Variants in OVOL2 observed in about 807,000 individuals in gnomAD.
OVOL2 encodes ovo like zinc finger 2, also known as transcription factor Ovo-like 2.
A neutral mutation model predicts 18.1 loss-of-function variants in OVOL2; 13 were observed. The ratio of observed to expected loss-of-function variants is 0.72; its 90% CI spans 0.47 to 1.14. The LOEUF (loss-of-function observed/expected upper bound fraction) is 1.14, where lower values mean the gene tolerates loss of function less well. OVOL2 is among the 50% of genes most tolerant of loss of function. The pLI, the probability that OVOL2 is intolerant of heterozygous loss-of-function variation, is 0.00. For missense variants in OVOL2, 335 were observed against 383.0 expected (o/e 0.87, Z 1.05); for synonymous variants, 166 against 162.7 (o/e 1.02, Z -0.16).
intron 3 of OVOL2, among the ~76,000 whole-genome samples, chr20:18,040,781 G>A (rs2149474): frequency 0.29 from 43,808 of 152,060 alleles, 7,359 homozygotes; most frequent in African/African-American, 0.47. Flanking sequence ...TACGAGGCTC[G>A]GGTCAGCTCT....
chr20:18,038,967 C>T (rs1418009628), intron 3 of OVOL2, among the ~76,000 whole-genome samples: 1 of 152,184 alleles, frequency 6.6e-6, no homozygotes, highest in Non-Finnish European at 1.5e-5. Context: ...TCCTCACCCC[C>T]ACCCAATGGC....
chr20:18,046,542 C>T (rs1168555979), intron 2 of OVOL2, among the ~76,000 whole-genome samples: 2 of 152,204 alleles, frequency 1.3e-5, no homozygotes, highest in Admixed American at 6.5e-5. Context: ...TACAATACTA[C>T]ATCATTTCAT....
chr20:18,036,590 T>A (rs76450671), intron 3 of OVOL2, among the ~76,000 whole-genome samples: 18,337 of 152,084 alleles, frequency 0.12, 1,198 homozygotes, highest in Middle Eastern at 0.16. Context: ...GATTTTCAGC[T>A]CCCTCACAGG....
At chr20:18,033,317 C>T (rs780640101) in intron 3 of OVOL2, among the ~76,000 whole-genome samples, 1 of 152,212 alleles carries the variant, frequency 6.6e-6, no homozygotes, top group African/African-American at 2.4e-5. Flanking sequence ...ATTGGAATTC[C>T]TCGGCTTCAC....
Position 18,056,899 on chromosome 20 carries a change from C to A in OVOL2, c.101-22G>T. On this transcript the variant is annotated intron_variant, in intron 1 of 3. Transcript: ENST00000278780. This position sits in a 1 kb window ranked among gnomAD's most constrained non-coding sequence, Gnocchi z 4.2. ...CCCACTGTGGAGGGAGGGGCCGCGC[C>A]CCGACACACACACTCGGCGTCAACC... is the stretch of plus-strand genomic sequence containing the variant. The A allele has an allele frequency of 6.8e-7, 1 of 1,476,146 alleles. No homozygotes were observed. Among genetic ancestry groups the A allele is most frequent in the Non-Finnish European group, 8.9e-7 (1 of 1,121,662 alleles). The allele number at this position is 1,476,146 out of a possible 1,614,324, so 91.4% of individuals were successfully genotyped here. A position where few individuals can be genotyped will look rare whatever the true frequency, so the allele number is the denominator to read the frequency against.
At position 18,057,527 on chromosome 20, in the gene OVOL2, G is replaced by T. The variant is rs370398245; in HGVS notation, c.100+8C>A. 6.4e-7 allele frequency: 1 copy of T among 1,563,252 alleles called. No homozygotes were observed. The highest frequency in any genetic ancestry group is 8.7e-7 in the Non-Finnish European group (1 of 1,153,752). On this transcript the variant is annotated splice_region_variant and intron_variant, in intron 1 of 3. Coordinates refer to ENST00000278780, the MANE Select transcript of OVOL2 (RefSeq NM_021220.4). The surrounding 1 kb of genome is among the most constrained non-coding windows in gnomAD (Gnocchi z 6.3). ...CAGCGCCCAGGCCCGGCCCCCGCGC[G>T]CGCTCACCTGGGATGTAGGTGTCTG...
chr20:18,027,739 G>A (rs2122687573), intron 3 of OVOL2, among the ~76,000 whole-genome samples: 1 of 151,656 alleles, frequency 6.6e-6, no homozygotes, highest in South Asian at 2.1e-4. Context: ...GGGACTACAG[G>A]CGCTCACCAC....
chr20:18,037,150 A>AAAAAAAAAAAAAAG (rs751298916), intron 3 of OVOL2, among the ~76,000 whole-genome samples: 6 of 147,244 alleles, frequency 4.1e-5, no homozygotes, highest in Admixed American at 6.9e-5. Context: ...AAAAAAAAAA[A>AAAAAAAAAAAAAAG]AAAGAAAGAA....
rs1205662009 is a variant in OVOL2 at position 18,056,951 on chromosome 20, G to A, written c.101-74C>T. On this transcript the variant is annotated intron_variant, in intron 1 of 3. Coordinates refer to ENST00000278780, the MANE Select transcript of OVOL2 (RefSeq NM_021220.4). The surrounding 1 kb of genome is among the most constrained non-coding windows in gnomAD (Gnocchi z 4.2). The stretch of plus-strand genomic sequence containing the variant: ...GCACGCCCGCGGCAGTTTGACCTGC[G>A]GGCGGTGCTGCCGCCGCCCCGCCCC... 6 of 1,385,148 alleles carry A rather than the reference G, an allele frequency of 4.3e-6. No individual in the cohort carries two copies. Among genetic ancestry groups the A allele is most frequent in the Non-Finnish European group, 4.6e-6 (5 of 1,078,382 alleles). The allele number at this position is 1,385,148 out of a possible 1,614,324, so 85.8% of individuals were successfully genotyped here.
intron 3 of OVOL2, among the ~76,000 whole-genome samples, chr20:18,028,117 A>G (rs2036536569): frequency 6.6e-6 from 1 of 152,088 alleles, no homozygotes; most frequent in East Asian, 1.9e-4. Flanking sequence ...TGCCTCAGGG[A>G]CCCCAGGCAC....
In OVOL2 at chr20:18,024,847, T is replaced by C; in HGVS notation, c.617A>G (p.Tyr206Cys). The C allele has an allele frequency of 1.9e-6, 3 of 1,614,234 alleles. No homozygotes were observed. Among genetic ancestry groups the C allele is most frequent in the Non-Finnish European group, 2.5e-6 (3 of 1,180,044 alleles). ...GTAGAGCTTGTCCCGCCGCTGCTTA[T>C]AGGCATACTGCTGCTGCACCCCATG... is the stretch of plus-strand genomic sequence containing the variant. Reference protein sequence around the residue: ...KIHGVQQQYAYKQRRDKLYVC... With the variant: ...KIHGVQQQYACKQRRDKLYVC... Residue 206 changes from tyrosine to cysteine, a missense_variant, in exon 4 of 4, where the codon TAT becomes TGT. By Grantham distance (194) the Tyr-to-Cys change is radical. Coordinates refer to ENST00000278780, the MANE Select transcript of OVOL2 (RefSeq NM_021220.4).
chr20:18,030,964 G>T (rs4813296), intron 3 of OVOL2, among the ~76,000 whole-genome samples: 14,123 of 152,184 alleles, frequency 0.093, 895 homozygotes, highest in East Asian at 0.17. Context: ...ACACATTCAG[G>T]GGGACGTGGG....
chr20:18,035,312 G>A (rs536174510), intron 3 of OVOL2, among the ~76,000 whole-genome samples: 76 of 152,274 alleles, frequency 5.0e-4, no homozygotes, highest in African/African-American at 1.8e-3. Context: ...TTAGCCAGGC[G>A]TGGTGGCATG....
Position 18,056,732 on chromosome 20 carries a change from G to A in OVOL2, c.246C>T (p.Pro82=). ...CGGGGCCCTCGGCGTCGCCGGGCTC[G>A]GGGGTTTCGCTCTCGGGGGCGTGCG... ...SSPHAPESET[P]EPGDAEGPDG... The change falls in exon 2 of 4, where the codon CCC becomes CCT. Residue 82 remains proline (P), a synonymous_variant. Coordinates refer to ENST00000278780, the MANE Select transcript of OVOL2 (RefSeq NM_021220.4). This position sits in a 1 kb window ranked among gnomAD's most constrained non-coding sequence, Gnocchi z 4.2. The A allele has an allele frequency of 6.8e-7, 1 of 1,480,786 alleles. No individual in the cohort carries two copies. The allele number at this position is 1,480,786 out of a possible 1,614,324, so 91.7% of individuals were successfully genotyped here.
intron 3 of OVOL2, 71 bp from the exon 4 acceptor site, chr20:18,025,023 A>G: frequency 1.3e-6 from 2 of 1,506,042 alleles, no homozygotes; most frequent in East Asian, 2.3e-5. Context: ...CTATGAAGCC[A>G]GTAAAAGTCA....
intron 2 of OVOL2, among the ~76,000 whole-genome samples, chr20:18,043,043 A>G (rs2122712341): frequency 6.6e-6 from 1 of 152,310 alleles, no homozygotes; most frequent in South Asian, 2.1e-4. Context: ...TACCTGGCCA[A>G]TGAAATAGAA....
Position 18,056,756 on chromosome 20 carries a change from CG to C in OVOL2, c.221del (p.Pro74ArgfsTer61). Reference protein sequence around the residue: ...EPGGAESSSSPHAPESETPEP... With the variant: ...EPGGAESSSSXHAPESETPEP... The stretch of plus-strand genomic sequence containing the variant: ...CGGGGGTTTCGCTCTCGGGGGCGTG[CG>C]GGGACGAGCTGCTCTCTGCTCCTCC... On this transcript the variant is annotated frameshift_variant, in exon 2 of 4. Transcript: ENST00000278780. LOFTEE classifies it high-confidence loss of function. The surrounding 1 kb of genome is among the most constrained non-coding windows in gnomAD (Gnocchi z 4.2). 1.3e-6 allele frequency: 2 copies of C among 1,493,910 alleles called. No individual in the cohort carries two copies. The highest frequency in any genetic ancestry group is 1.3e-5 in the South Asian group (1 of 78,908). 92.5% of individuals were successfully genotyped at this position (1,493,910 alleles called of 1,614,324 possible). A position where few individuals can be genotyped will look rare whatever the true frequency, so the allele number is the denominator to read the frequency against.
intron 3 of OVOL2, among the ~76,000 whole-genome samples, chr20:18,032,307 G>A (rs2036577731): frequency 7.0e-6 from 1 of 142,314 alleles, no homozygotes; most frequent in Non-Finnish European, 1.5e-5. Flanking sequence ...AGGAAGGAAG[G>A]AGAGAGAGAG....
At chr20:18,045,746 T>G (rs1444968961) in intron 2 of OVOL2, among the ~76,000 whole-genome samples, 1 of 152,198 alleles carries the variant, frequency 6.6e-6, no homozygotes, top group East Asian at 1.9e-4. Flanking sequence ...CCCAAAGTGC[T>G]GGGATTACAG....
Sources: allele counts gnomAD v4.1 joint callset (sites outside exome capture counted in the v4.1 genomes callset), GRCh38; gene constraint gnomAD v4.1.1; non-coding constraint Gnocchi (gnomAD v3.1); transcripts MANE v1.5; gene names NCBI Gene and HGNC (gene_info 2026-07-23, HGNC 2026-07-21).